TRAPPC11: variants seen among roughly 807,000 people sequenced by gnomAD.
The protein encoded by TRAPPC11 is foie gras homolog.
In TRAPPC11, 104 loss-of-function variants were observed where a neutral mutation model predicts 151.2. The observed-to-expected ratio is 0.69, with a 90% CI of 0.59 to 0.81. The LOEUF (loss-of-function observed/expected upper bound fraction) is 0.81, where lower values mean the gene tolerates loss of function less well. Ranked by LOEUF, TRAPPC11 falls within the 30% of genes least tolerant of loss-of-function variation. TRAPPC11 has a pLI of 0.00. For synonymous variants in TRAPPC11, 456 were observed against 472.3 expected (o/e 0.97, Z 0.45); for missense variants, 1,230 against 1,349.6 (o/e 0.91, Z 1.39).
rs892570740 is a variant in TRAPPC11, at chr4:183,691,296, C to A, written c.1894-20C>A. 6.8e-7 allele frequency: 1 copy of A among 1,466,446 alleles called. No homozygotes were observed. The highest frequency in any genetic ancestry group is 1.8e-4 in the Middle Eastern group (1 of 5,510). The allele number at this position is 1,466,446 out of a possible 1,614,324, so 90.8% of individuals were successfully genotyped here. ...TTAGCAGACATCTGACATTTGATGA[C>A]CCCTGTTCACCTTTTTCAGGAATAC... On this transcript the variant is annotated intron_variant, in intron 18 of 29. Transcript: ENST00000334690.
intron 18 of TRAPPC11, among the ~76,000 whole-genome samples, chr4:183,688,432 G>A (rs1561048364): frequency 1.3e-5 from 2 of 152,188 alleles, no homozygotes; most frequent in South Asian, 2.1e-4. Flanking sequence ...ATAATGCTGG[G>A]TGGTGGGAAA....
At chr4:183,706,481 C>T (rs1384350736) in intron 27 of TRAPPC11, among the ~76,000 whole-genome samples, 1 of 151,668 alleles carries the variant, frequency 6.6e-6, no homozygotes, top group East Asian at 1.9e-4. Flanking sequence ...CGAGATAGCA[C>T]CACTGCACTC....
At chr4:183,711,661 T>C (rs1737346901) in intron 29 of TRAPPC11, among the ~76,000 whole-genome samples, 1 of 151,694 alleles carries the variant, frequency 6.6e-6, no homozygotes, top group Non-Finnish European at 1.5e-5. Flanking sequence ...GCTATATACA[T>C]CTGAACAACC....
At chr4:183,700,622 T>A (rs1235595457) in intron 25 of TRAPPC11, among the ~76,000 whole-genome samples, 2 of 152,178 alleles carry the variant, frequency 1.3e-5, no homozygotes, top group African/African-American at 2.4e-5. Flanking sequence ...AGGAAAGCAT[T>A]CTTGCACAGA....
chr4:183,689,707 C>T (rs1406581994), intron 18 of TRAPPC11, among the ~76,000 whole-genome samples: 1 of 150,284 alleles, frequency 6.7e-6, no homozygotes, highest in East Asian at 1.9e-4. Context: ...TCATCTCAGC[C>T]TCAAACTCCT....
intron 2 of TRAPPC11, among the ~76,000 whole-genome samples, chr4:183,665,151 G>C (rs1369219906): frequency 3.8e-5 from 5 of 130,564 alleles, no homozygotes; most frequent in African/African-American, 1.5e-4. Flanking sequence ...CTGGAGTGCT[G>C]TGGCGCGATA....
At chr4:183,695,276 A>G (rs1176260153) in intron 23 of TRAPPC11, among the ~76,000 whole-genome samples, 1 of 152,142 alleles carries the variant, frequency 6.6e-6, no homozygotes, top group Non-Finnish European at 1.5e-5. Flanking sequence ...TAGAGGATCA[A>G]TAGGATTGAG....
intron 1 of TRAPPC11, among the ~76,000 whole-genome samples, chr4:183,660,272 G>C (rs1734405584): frequency 6.6e-6 from 1 of 152,190 alleles, no homozygotes; most frequent in South Asian, 2.1e-4. Flanking sequence ...CCATAATTTA[G>C]ATCTCTGCTG....
chr4:183,690,873 T>G (rs928889629), intron 18 of TRAPPC11, among the ~76,000 whole-genome samples: 2 of 152,036 alleles, frequency 1.3e-5, no homozygotes, highest in Non-Finnish European at 2.9e-5. Context: ...GAGGCTGAGG[T>G]GGGACTATCC....
rs567960160 is a variant in TRAPPC11, at chr4:183,705,537, C to G, written c.3055+467C>G. On this transcript the variant is annotated intron_variant, in intron 27 of 29. Coordinates refer to ENST00000334690, the MANE Select transcript of TRAPPC11 (RefSeq NM_021942.6). Reference sequence around the variant, plus strand: ...TACTACTCCCTCCCCCATACCATCTCTCCTCTCCCCACCCACCATTAACCC... The same window carrying G: ...TACTACTCCCTCCCCCATACCATCTGTCCTCTCCCCACCCACCATTAACCC... Among the ~76,000 whole-genome samples the G allele has an allele frequency of 4.6e-5, 7 of 152,262 alleles. No individual in the cohort carries two copies. The East Asian group carries it at 7.7e-4, about 17-fold the overall frequency.
rs74369831 is a variant in TRAPPC11, at chr4:183,686,571, G to C, written c.1763-47G>C. ...TTGGTTAACAGGATGTGTGTGGGTC[G>C]TGGGTATCTGGTTGTGCATAACACA... On this transcript the variant is annotated intron_variant, in intron 17 of 29. Transcript: ENST00000334690. The C allele has an allele frequency of 1.0e-3, 1,673 of 1,601,070 alleles. 1 individual carries two copies. Among genetic ancestry groups the C allele is most frequent in the Non-Finnish European group, 1.4e-3 (1,584 of 1,172,614 alleles).
rs994500796 is a variant in TRAPPC11 at position 183,686,643 on chromosome 4, C to G, written c.1788C>G (p.Ala596=). Residue 596 remains alanine (A), a synonymous_variant, in exon 18 of 30, where the codon GCC becomes GCG. Transcript: ENST00000334690. ...PFVQCKAKFH[A]PSFHVDVPVQ... ...TGCAGTGCAAAGCCAAGTTTCATGC[C>G]CCAAGTTTTCATGTTGATGTTCCTG... 1.2e-6 allele frequency: 2 copies of G among 1,613,912 alleles called. No homozygotes were observed. Among genetic ancestry groups the G allele is most frequent in the Non-Finnish European group, 1.7e-6 (2 of 1,179,942 alleles).
intron 7 of TRAPPC11, among the ~76,000 whole-genome samples, chr4:183,676,186 G>A (rs1168480423): frequency 6.6e-6 from 1 of 150,682 alleles, no homozygotes; most frequent in East Asian, 1.9e-4. Context: ...TTTTGCTCTT[G>A]TTGCCCAGGC....
At chr4:183,660,986 A>G (rs1054416584) in intron 1 of TRAPPC11, among the ~76,000 whole-genome samples, 12 of 152,132 alleles carry the variant, frequency 7.9e-5, no homozygotes, top group Non-Finnish European at 2.9e-5. Context: ...TGCTGGGATT[A>G]CAGGCGTGAG....
At chr4:183,693,553 T>A (rs1167494741) in intron 20 of TRAPPC11, 36 bp from the exon 21 acceptor site, 1 of 1,570,870 alleles carries the variant, frequency 6.4e-7, no homozygotes, top group Non-Finnish European at 8.6e-7. Flanking sequence ...TTGCTTTTTT[T>A]TTGATCAGTT....
chr4:183,663,594 C>G (rs1341515268), intron 1 of TRAPPC11, among the ~76,000 whole-genome samples: 1 of 152,124 alleles, frequency 6.6e-6, no homozygotes, highest in Non-Finnish European at 1.5e-5. Flanking sequence ...GTCTTTAACT[C>G]CTGGCCTCCA....
chr4:183,687,012 C>G (rs1736010565), intron 18 of TRAPPC11, among the ~76,000 whole-genome samples: 1 of 152,058 alleles, frequency 6.6e-6, no homozygotes, highest in South Asian at 2.1e-4. Context: ...AACCCCGTCT[C>G]TACTAAAAAT....
chr4:183,699,920 G>A (rs1399994745), intron 25 of TRAPPC11, among the ~76,000 whole-genome samples: 1 of 152,016 alleles, frequency 6.6e-6, no homozygotes, highest in East Asian at 1.9e-4. Context: ...TGCCTCCCGG[G>A]TTCATGCCAT....
chr4:183,709,295 T>G (rs1206201994), intron 29 of TRAPPC11, among the ~76,000 whole-genome samples: 2 of 152,244 alleles, frequency 1.3e-5, no homozygotes, highest in Non-Finnish European at 2.9e-5. Flanking sequence ...TCCTTTTTTG[T>G]GTCTGTCTTA....
Sources: gnomAD v4.1 joint callset for allele counts (sites outside exome capture counted in the v4.1 genomes callset) on GRCh38, gnomAD v4.1.1 for gene constraint, MANE v1.5 for transcripts, NCBI Gene and HGNC (gene_info 2026-07-23, HGNC 2026-07-21) for gene names.